PCDHGA1: variants seen among roughly 807,000 people sequenced by gnomAD.
PCDHGA1 encodes protocadherin gamma subfamily A, 1.
In PCDHGA1, 32 loss-of-function variants were observed where a neutral mutation model predicts 58.0. The ratio of observed to expected loss-of-function variants is 0.55; its 90% CI spans 0.42 to 0.74. The LOEUF is 0.74. Among genes scored for constraint, PCDHGA1 ranks in the 30% least tolerant of loss-of-function variants. The pLI is 0.00. For synonymous variants in PCDHGA1, 498 were observed against 501.1 expected (o/e 0.99, Z 0.08); for missense variants, 1,205 against 1,182.3 (o/e 1.02, Z -0.28).
intron 1 of PCDHGA1, chr5:141,409,634 G>GGA (rs766487639): frequency 1.2e-6 from 2 of 1,613,720 alleles, no homozygotes; most frequent in African/African-American, 2.7e-5. Flanking sequence ...GAGCGCCTCT[G>GGA]ACCCGGATTT....
intron 1 of PCDHGA1, among the ~76,000 whole-genome samples, chr5:141,469,951 T>C (rs1467717372): frequency 6.6e-6 from 1 of 152,034 alleles, no homozygotes; most frequent in African/African-American, 2.4e-5. Flanking sequence ...GCCAGCATGG[T>C]GAAACCCCAT....
chr5:141,500,433 T>A (rs1398344932), intron 2 of PCDHGA1, among the ~76,000 whole-genome samples: 17 of 151,882 alleles, frequency 1.1e-4, no homozygotes, highest in East Asian at 7.8e-4. Flanking sequence ...ATGGTCTCGA[T>A]CTCCTGACCT....
chr5:141,489,846 T>C lies in PCDHGA1; in HGVS notation c.2422-4961T>C. The C allele has an allele frequency of 6.2e-7, 1 of 1,614,190 alleles. No individual in the cohort carries two copies. The highest frequency in any genetic ancestry group is 1.1e-5 in the South Asian group (1 of 91,088). ...TGGTGCTAGAGCAGCAGCTGGATCG[T>C]GAAGCCCAGGCAAGACATCAGCTGG... is the stretch of plus-strand genomic sequence containing the variant. On this transcript the variant is annotated intron_variant, in intron 1 of 3. Coordinates refer to ENST00000517417, the MANE Select transcript of PCDHGA1 (RefSeq NM_018912.3). This position sits in a 1 kb window ranked among gnomAD's most constrained non-coding sequence, Gnocchi z 4.5.
At chr5:141,413,687 T>C (rs1470256826) in intron 1 of PCDHGA1, 1 of 1,613,784 alleles carries the variant, frequency 6.2e-7, no homozygotes, top group South Asian at 1.1e-5. Flanking sequence ...GTGAACTCCC[T>C]GCAGAGCTAT....
In PCDHGA1 at chr5:141,332,851, C is replaced by T. The variant is rs1373664480; in HGVS notation, c.2167C>T (p.Arg723Cys). The change falls in exon 1 of 4, where the codon CGT becomes TGT. Residue 723 changes from arginine (R) to cysteine (C), a missense_variant. Transcript: ENST00000517417. The surrounding 1 kb of genome is among the most constrained non-coding windows in gnomAD (Gnocchi z 4.6). ...CAGGCTGCGGCGCTGGCACAAGTCACGTCTGCTACAGGCTTCGGGAGGCGG... is the reference window on the plus strand; with the variant it reads ...CAGGCTGCGGCGCTGGCACAAGTCATGTCTGCTACAGGCTTCGGGAGGCGG... Reference protein sequence around the residue: ...AHRLRRWHKSRLLQASGGGLA... With the variant: ...AHRLRRWHKSCLLQASGGGLA... 1.9e-6 allele frequency: 3 copies of T among 1,614,232 alleles called. No homozygotes were observed. The highest frequency in any genetic ancestry group is 1.1e-5 in the South Asian group (1 of 91,090).
chr5:141,505,570 C>A, intron 3 of PCDHGA1, 89 bp downstream of exon 3: 1 of 1,598,160 alleles, frequency 6.3e-7, no homozygotes, highest in South Asian at 1.1e-5. Context: ...GACTGGATGT[C>A]AAACCTGTGT....
At position 141,422,880 on chromosome 5, in the gene PCDHGA1, G is replaced by C. The variant is rs970045921; in HGVS notation, c.2422-71927G>C. The C allele has an allele frequency of 7.4e-6, 12 of 1,614,140 alleles. No individual in the cohort carries two copies. In the Admixed American group the frequency reaches 2.0e-4, roughly 27 times the overall value. ...TCAGCAGCAACGTGTCGCTGAGCCT[G>C]TTCGTGCTGGACCAGAACGACAATG... On this transcript the variant is annotated intron_variant, in intron 1 of 3. Coordinates refer to ENST00000517417, the MANE Select transcript of PCDHGA1 (RefSeq NM_018912.3).
chr5:141,383,502 C>A (rs1779190099), intron 1 of PCDHGA1: 1 of 1,613,004 alleles, frequency 6.2e-7, no homozygotes, highest in Admixed American at 1.7e-5. Context: ...GGGTGCTGGA[C>A]CGGGAGGAAG....
At chr5:141,496,994 T>A (rs2099773177) in intron 2 of PCDHGA1, among the ~76,000 whole-genome samples, 1 of 151,862 alleles carries the variant, frequency 6.6e-6, no homozygotes, top group Non-Finnish European at 1.5e-5. Flanking sequence ...GAGACCAGCC[T>A]GGCAGCCAAC....
chr5:141,419,894 C>G, intron 1 of PCDHGA1: 1 of 1,613,926 alleles, frequency 6.2e-7, no homozygotes, highest in Non-Finnish European at 8.5e-7. Flanking sequence ...CAGCGACCAT[C>G]CCACACCCTC....
chr5:141,431,700 TC>T lies in PCDHGA1; in HGVS notation c.2422-63106del. On this transcript the variant is annotated intron_variant, in intron 1 of 3. Coordinates refer to ENST00000517417, the MANE Select transcript of PCDHGA1 (RefSeq NM_018912.3). The surrounding 1 kb of genome is among the most constrained non-coding windows in gnomAD (Gnocchi z 4.8). ...GAGTTGGACCACGAGGAGTCAGGAT[TC>T]TACCAGATGGAAGTGCAAGCAATGG... 6.2e-7 allele frequency: 1 copy of T among 1,614,218 alleles called. No individual in the cohort carries two copies.
At chr5:141,405,353 AT>A in intron 1 of PCDHGA1, 3 of 1,614,026 alleles carry the variant, frequency 1.9e-6, no homozygotes, top group Non-Finnish European at 2.5e-6. Context: ...CAAGTTTCCT[AT>A]AGAAGACACC....
intron 1 of PCDHGA1, chr5:141,345,707 C>G (rs200612120): frequency 1.9e-6 from 3 of 1,614,116 alleles, no homozygotes; most frequent in African/African-American, 1.3e-5. Context: ...AGAACGACAA[C>G]GCGCCCGAGA....
In PCDHGA1 at chr5:141,432,139, T is replaced by A. The variant is rs950514553; in HGVS notation, c.2422-62668T>A. ...TCCCTCAGGCCTCCTATTCCGCTTA[T>A]ATCCCAGAGAACAATCCCAGAGGAG... is the stretch of plus-strand genomic sequence containing the variant. On this transcript the variant is annotated intron_variant, in intron 1 of 3. Transcript: ENST00000517417. The surrounding 1 kb of genome is among the most constrained non-coding windows in gnomAD (Gnocchi z 6.0). The A allele has an allele frequency of 6.8e-6, 11 of 1,613,976 alleles. No individual in the cohort carries two copies. Among genetic ancestry groups the A allele is most frequent in the Non-Finnish European group, 9.3e-6 (11 of 1,180,032 alleles).
At chr5:141,443,853 A>G (rs929370798) in intron 1 of PCDHGA1, among the ~76,000 whole-genome samples, 3 of 152,230 alleles carry the variant, frequency 2.0e-5, no homozygotes, top group African/African-American at 7.2e-5. Flanking sequence ...GGAAAGTCTG[A>G]AAACTGAAAA....
intron 1 of PCDHGA1, chr5:141,422,303 A>AAAAC: frequency 6.5e-7 from 1 of 1,548,740 alleles, no homozygotes; most frequent in Non-Finnish European, 8.7e-7. Flanking sequence ...TCAATTCTGG[A>AAAAC]AAACTCTCCT....
At chr5:141,368,710 A>G (rs1008956527) in intron 1 of PCDHGA1, among the ~76,000 whole-genome samples, 1 of 152,160 alleles carries the variant, frequency 6.6e-6, no homozygotes, top group African/African-American at 2.4e-5. Flanking sequence ...TGATCCATAC[A>G]TTTTGAATGT....
rs1389286417 is a variant in PCDHGA1 at position 141,432,046 on chromosome 5, C to T, written c.2422-62761C>T. ...CAGTGACCGCCACTGACCGGGGAAC[C>T]CCGCCCCTATCCACGGAAACTCATA... On this transcript the variant is annotated intron_variant, in intron 1 of 3. Transcript: ENST00000517417. This position sits in a 1 kb window ranked among gnomAD's most constrained non-coding sequence, Gnocchi z 6.0. 3.1e-6 allele frequency: 5 copies of T among 1,614,224 alleles called. No homozygotes were observed. The highest frequency in any genetic ancestry group is 2.2e-5 in the East Asian group (1 of 44,886).
Position 141,490,876 on chromosome 5 carries a change from G to T in PCDHGA1, c.2422-3931G>T. On this transcript the variant is annotated intron_variant, in intron 1 of 3. Coordinates refer to ENST00000517417, the MANE Select transcript of PCDHGA1 (RefSeq NM_018912.3). The surrounding 1 kb of genome is among the most constrained non-coding windows in gnomAD (Gnocchi z 5.4). Reference sequence around the variant, plus strand: ...AGACTCCGGCTCTCCCCCATTGCATGCCAACACATCTCTGCATGTGTTTGT... The same window carrying T: ...AGACTCCGGCTCTCCCCCATTGCATTCCAACACATCTCTGCATGTGTTTGT... 6.2e-7 allele frequency: 1 copy of T among 1,613,840 alleles called. No homozygotes were observed. The highest frequency in any genetic ancestry group is 8.5e-7 in the Non-Finnish European group (1 of 1,179,894).
Sources: gnomAD v4.1 joint callset for allele counts (sites outside exome capture counted in the v4.1 genomes callset) on GRCh38, gnomAD v4.1.1 for gene constraint, Gnocchi (gnomAD v3.1) non-coding constraint, MANE v1.5 for transcripts, NCBI Gene and HGNC (gene_info 2026-07-23, HGNC 2026-07-21) for gene names.